The following MYO1B variants were observed in gnomAD, a reference collection of about 807,000 sequenced individuals.
MYO1B encodes myosin IB.
MYO1B carries 72 observed loss-of-function variants against 159.7 expected under a neutral mutation model. The ratio of observed to expected loss-of-function variants is 0.45; its 90% confidence interval spans 0.37 to 0.55. MYO1B has a LOEUF of 0.55. MYO1B is among the 20% of genes least tolerant of loss of function. MYO1B has a pLI of 0.00. For synonymous variants in MYO1B, 468 were observed against 473.8 expected (o/e 0.99, Z 0.16); for missense variants, 1,062 against 1,364.8 (o/e 0.78, Z 3.50).
chr2:191,306,127 G>A (rs1689637559), intron 3 of MYO1B, among the ~76,000 whole-genome samples: 1 of 152,158 alleles, frequency 6.6e-6, no homozygotes, highest in Non-Finnish European at 1.5e-5. Context: ...GAGAAACAAC[G>A]TGGGGAAGGG....
rs962142575 is a variant in MYO1B, at chr2:191,251,377, A to C, written c.-10+5751A>C. Among the ~76,000 whole-genome samples the C allele has an allele frequency of 7.9e-5, 12 of 152,294 alleles. No individual in the cohort carries two copies. In the East Asian group the frequency reaches 9.7e-4, roughly 12 times the overall value. ...GGTTTTGGGAAGAGAGTTGGGGTGA[A>C]ATTTGTACTCTTCCAAGATAGGCAG... is the stretch of plus-strand genomic sequence containing the variant. On this transcript the variant is annotated intron_variant, in intron 1 of 30. Transcript: ENST00000392318.
chr2:191,396,861 T>G (rs992613215), intron 21 of MYO1B, among the ~76,000 whole-genome samples: 2 of 152,206 alleles, frequency 1.3e-5, no homozygotes, highest in Admixed American at 1.3e-4. Context: ...GTGACTTCCG[T>G]AACTGTCCAG....
intron 2 of MYO1B, among the ~76,000 whole-genome samples, chr2:191,283,244 A>G (rs897627850): frequency 1.3e-5 from 2 of 152,218 alleles, no homozygotes; most frequent in Non-Finnish European, 2.9e-5. Flanking sequence ...TTCATCATGG[A>G]GGCACTGTAT....
At chr2:191,304,506 G>A (rs1689526492) in intron 3 of MYO1B, among the ~76,000 whole-genome samples, 5 of 152,140 alleles carry the variant, frequency 3.3e-5, no homozygotes, top group Admixed American at 2.0e-4. Context: ...GGAGGCGGAG[G>A]TTGCAGTAAT....
intron 30 of MYO1B, among the ~76,000 whole-genome samples, chr2:191,419,532 T>A (rs1697805518): frequency 6.6e-6 from 1 of 152,248 alleles, no homozygotes; most frequent in Non-Finnish European, 1.5e-5. Flanking sequence ...CTGTACTTTT[T>A]ATCTTTATTT....
intron 11 of MYO1B, among the ~76,000 whole-genome samples, chr2:191,366,903 G>A (rs1264693957): frequency 6.6e-6 from 1 of 151,590 alleles, no homozygotes; most frequent in Non-Finnish European, 1.5e-5. Context: ...TCCTCTGCTT[G>A]TTTCCTCTGT....
intron 5 of MYO1B, among the ~76,000 whole-genome samples, chr2:191,344,778 C>T (rs1475053453): frequency 1.5e-5 from 2 of 134,710 alleles, no homozygotes; most frequent in South Asian, 2.4e-4. Context: ...TGCAGTGAGC[C>T]GAGATCCCGC....
chr2:191,413,842 T>G, intron 27 of MYO1B, among the ~76,000 whole-genome samples: 1 of 152,204 alleles, frequency 6.6e-6, no homozygotes, highest in Non-Finnish European at 1.5e-5. Context: ...AATGCCATGA[T>G]CACCCCAAAA....
chr2:191,340,356 C>T (rs1266604218), intron 4 of MYO1B, among the ~76,000 whole-genome samples: 1 of 152,102 alleles, frequency 6.6e-6, no homozygotes, highest in Non-Finnish European at 1.5e-5. Flanking sequence ...GCTCCACATC[C>T]ACTTTGGACC....
chr2:191,308,748 CTTCTT>C (rs1689802782), intron 3 of MYO1B, among the ~76,000 whole-genome samples: 1 of 152,224 alleles, frequency 6.6e-6, no homozygotes, highest in Non-Finnish European at 1.5e-5. Context: ...TCCACTAAAA[CTTCTT>C]TTCAAGATCA....
chr2:191,353,427 TAGAAGA>T (rs1381230838), intron 7 of MYO1B, among the ~76,000 whole-genome samples: 3 of 152,192 alleles, frequency 2.0e-5, no homozygotes, highest in African/African-American at 7.2e-5. Flanking sequence ...TTCTGTCTTC[TAGAAGA>T]AGAATAGCAC....
chr2:191,416,280 T>A (rs758155016), intron 30 of MYO1B, 38 bp downstream of exon 30: 7 of 1,612,914 alleles, frequency 4.3e-6, no homozygotes, highest in Non-Finnish European at 4.2e-6. Flanking sequence ...TTTTTCTCTT[T>A]CAGCTTTTTT....
chr2:191,392,329 A>T (rs1695805310), intron 19 of MYO1B, 128 bp downstream of exon 19: 1 of 586,492 alleles, frequency 1.7e-6, no homozygotes, highest in Non-Finnish European at 2.9e-6. Context: ...TTGTGTGTTT[A>T]TCTACAAATA....
chr2:191,399,591 T>TTGTGG (rs1477932013), intron 21 of MYO1B, among the ~76,000 whole-genome samples: 1 of 152,072 alleles, frequency 6.6e-6, no homozygotes, highest in Non-Finnish European at 1.5e-5. Flanking sequence ...TGAGGAGACT[T>TTGTGG]TGTGGTATGG....
chr2:191,295,268 C>G (rs1688917001), intron 2 of MYO1B, among the ~76,000 whole-genome samples: 2 of 152,044 alleles, frequency 1.3e-5, no homozygotes, highest in African/African-American at 4.8e-5. Flanking sequence ...TTGTCCTTGG[C>G]ATTGCACAGA....
intron 1 of MYO1B, among the ~76,000 whole-genome samples, chr2:191,265,357 A>G (rs905561249): frequency 1.3e-5 from 2 of 152,164 alleles, no homozygotes; most frequent in African/African-American, 4.8e-5. Flanking sequence ...TTTAATTATA[A>G]TGAAGGTGTA....
intron 30 of MYO1B, among the ~76,000 whole-genome samples, chr2:191,422,905 T>A (rs1698032558): frequency 6.6e-6 from 1 of 152,254 alleles, no homozygotes; most frequent in Non-Finnish European, 1.5e-5. Flanking sequence ...GAAATAATTC[T>A]TAGCCTTTCT....
chr2:191,308,713 C>T (rs1689801293), intron 3 of MYO1B, among the ~76,000 whole-genome samples: 1 of 152,122 alleles, frequency 6.6e-6, no homozygotes, highest in African/African-American at 2.4e-5. Flanking sequence ...TTGTAAATCA[C>T]TCTAATTGGG....
intron 1 of MYO1B, among the ~76,000 whole-genome samples, chr2:191,267,441 G>GA (rs376235984): frequency 3.8e-4 from 58 of 152,312 alleles, no homozygotes; most frequent in African/African-American, 1.3e-3. Context: ...AAGCTTTAGA[G>GA]AAAATGAGGT....
Sources: gnomAD v4.1 joint callset for allele counts (sites outside exome capture counted in the v4.1 genomes callset) on GRCh38, gnomAD v4.1.1 for gene constraint, MANE v1.5 for transcripts, NCBI Gene and HGNC (gene_info 2026-07-23, HGNC 2026-07-21) for gene names.